Variants in CALN1 observed in about 807,000 individuals in gnomAD.
The protein encoded by CALN1 is calneuron 1, also known as calcium-binding protein 8.
CALN1 carries 17 observed loss-of-function variants against 30.6 expected under a neutral mutation model. The ratio of observed to expected loss-of-function variants is 0.56; its 90% CI spans 0.38 to 0.83. The LOEUF is 0.83. Among genes scored for constraint, CALN1 ranks in the 40% least tolerant of loss-of-function variants. The pLI is 0.00. For missense variants in CALN1, 291 were observed against 354.9 expected, an observed-to-expected ratio of 0.82 and a Z score of 1.45; for synonymous variants, 156 against 131.4, an observed-to-expected ratio of 1.19 and a Z score of -1.28.
intron 3 of CALN1, among the ~76,000 whole-genome samples, chr7:72,258,136 T>C (rs2129552595): frequency 6.6e-6 from 1 of 152,076 alleles, no homozygotes; most frequent in South Asian, 2.1e-4. Context: ...AAAAAAAAAC[T>C]TGCCTAAGAG....
intron 6 of CALN1, among the ~76,000 whole-genome samples, chr7:71,789,587 G>C (rs1207732041): frequency 6.6e-6 from 1 of 152,032 alleles, no homozygotes; most frequent in South Asian, 2.1e-4. Flanking sequence ...GTGAAGATAG[G>C]GGGGCACCAA....
intron 3 of CALN1, among the ~76,000 whole-genome samples, chr7:72,180,534 T>C (rs1789691567): frequency 1.3e-5 from 2 of 152,094 alleles, no homozygotes; most frequent in Admixed American, 6.6e-5. Context: ...CTTTTTTTTT[T>C]TTTTTTTAAT....
chr7:72,272,938 C>T (rs1033325888), intron 3 of CALN1, among the ~76,000 whole-genome samples: 3 of 151,902 alleles, frequency 2.0e-5, no homozygotes, highest in Admixed American at 6.6e-5. Context: ...GATGACCAAA[C>T]GTACAAGAGT....
intron 2 of CALN1, among the ~76,000 whole-genome samples, chr7:72,365,519 T>C (rs1254156832): frequency 6.6e-6 from 1 of 151,952 alleles, no homozygotes; most frequent in Non-Finnish European, 1.5e-5. Flanking sequence ...AGCCTCAACC[T>C]CCTGGGCCCA....
intron 5 of CALN1, among the ~76,000 whole-genome samples, chr7:71,971,951 AAAAAAG>A (rs1797836489): frequency 3.4e-5 from 4 of 117,886 alleles, no homozygotes; most frequent in African/African-American, 1.5e-4. Context: ...AAAAAAAAAA[AAAAAAG>A]AAAGAAAGAA....
intron 2 of CALN1, among the ~76,000 whole-genome samples, chr7:72,281,288 T>C (rs1419734017): frequency 6.6e-6 from 1 of 152,144 alleles, no homozygotes; most frequent in Non-Finnish European, 1.5e-5. Flanking sequence ...CTTCCCAGCC[T>C]GCAGAGATAT....
chr7:71,952,034 C>A (rs1426934251), intron 5 of CALN1, among the ~76,000 whole-genome samples: 3 of 152,074 alleles, frequency 2.0e-5, no homozygotes, highest in African/African-American at 7.2e-5. Flanking sequence ...GAGAACCAGG[C>A]AGGACCACCC....
chr7:72,407,860 C>G (rs1302418176), intron 1 of CALN1, among the ~76,000 whole-genome samples: 1 of 152,116 alleles, frequency 6.6e-6, no homozygotes, highest in African/African-American at 2.4e-5. Context: ...GATGTAGCCT[C>G]ACGGAGCTCA....
chr7:72,487,986 G>A, the CALN1 span, among the ~76,000 whole-genome samples: 3 of 146,720 alleles, frequency 2.0e-5, no homozygotes, highest in Admixed American at 2.0e-4. Context: ...AAGGAAGGAA[G>A]GAAAGAAGAA....
At chr7:72,219,962 C>CTA (rs912963722) in intron 3 of CALN1, among the ~76,000 whole-genome samples, 2 of 151,996 alleles carry the variant, frequency 1.3e-5, no homozygotes, top group Non-Finnish European at 2.9e-5. Context: ...TTCAACCTCA[C>CTA]TAGTAGTCAA....
chr7:72,081,026 G>C (rs992071539), intron 4 of CALN1, among the ~76,000 whole-genome samples: 1 of 152,088 alleles, frequency 6.6e-6, no homozygotes, highest in Non-Finnish European at 1.5e-5. Context: ...AACTTTCCGA[G>C]GGATAGCTGA....
chr7:72,084,166 G>A (rs1163019558), intron 4 of CALN1, among the ~76,000 whole-genome samples: 1 of 151,940 alleles, frequency 6.6e-6, no homozygotes, highest in Non-Finnish European at 1.5e-5. Flanking sequence ...CCAAGATCAC[G>A]CCATTGCACT....
At chr7:72,491,958 A>G in the CALN1 span, among the ~76,000 whole-genome samples, 1 of 152,202 alleles carries the variant, frequency 6.6e-6, no homozygotes, top group Non-Finnish European at 1.5e-5. Context: ...TTTCCCTTTA[A>G]CTAAGATATG....
At chr7:72,373,141 T>C (rs888404093) in intron 2 of CALN1, among the ~76,000 whole-genome samples, 5 of 152,128 alleles carry the variant, frequency 3.3e-5, no homozygotes, top group Admixed American at 6.5e-5. Flanking sequence ...CAGCTTTGCA[T>C]GACATAACCG....
intron 4 of CALN1, among the ~76,000 whole-genome samples, chr7:72,038,145 C>T (rs1264959071): frequency 6.6e-6 from 1 of 151,904 alleles, no homozygotes; most frequent in African/African-American, 2.4e-5. Flanking sequence ...ATTTGGAGAA[C>T]AGGATGTTTT....
chr7:71,797,406 T>A (rs950600775), intron 6 of CALN1, among the ~76,000 whole-genome samples: 1 of 152,200 alleles, frequency 6.6e-6, no homozygotes, highest in African/African-American at 2.4e-5. Flanking sequence ...TGGCTATTTA[T>A]GCACCCTAAA....
intron 2 of CALN1, among the ~76,000 whole-genome samples, 198 bp from the exon 3 acceptor site, chr7:72,279,008 T>C (rs1797553221): frequency 6.6e-6 from 1 of 152,228 alleles, no homozygotes; most frequent in African/African-American, 2.4e-5. Context: ...GTTTTTCCCA[T>C]TCCTTCACTG....
At chr7:71,790,929 TCAGCTGTTAAAG>T (rs1793346832) in intron 6 of CALN1, among the ~76,000 whole-genome samples, 1 of 152,082 alleles carries the variant, frequency 6.6e-6, no homozygotes, top group Admixed American at 6.6e-5. Context: ...CTCTTTACAT[TCAGCTGTTAAAG>T]AAGACTGCGT....
chr7:72,440,864 G>A (rs1488768342), intron 1 of CALN1, among the ~76,000 whole-genome samples: 6 of 152,110 alleles, frequency 3.9e-5, no homozygotes, highest in Non-Finnish European at 7.4e-5. Context: ...AGAATCTTAT[G>A]ACCTTTATTT....
Sources: gnomAD v4.1 joint callset for allele counts (sites outside exome capture counted in the v4.1 genomes callset) on GRCh38, gnomAD v4.1.1 for gene constraint, MANE v1.5 for transcripts, NCBI Gene and HGNC (gene_info 2026-07-23, HGNC 2026-07-21) for gene names.